RTN4: variants seen among roughly 807,000 people sequenced by gnomAD.
RTN4 encodes reticulon-4.
In RTN4, 32 loss-of-function variants were observed where a neutral mutation model predicts 90.4. That is an observed-to-expected ratio of 0.35 (90% CI 0.27 to 0.48). The LOEUF is 0.48. Among genes scored for constraint, RTN4 ranks in the 20% least tolerant of loss-of-function variants. The pLI, the probability that RTN4 is intolerant of heterozygous loss-of-function variation, is 0.99. For missense variants in RTN4, 1,706 were observed against 1,430.2 expected (o/e 1.19, Z -3.11); for synonymous variants, 629 against 552.5 (o/e 1.14, Z -1.94).
intron 2 of RTN4, among the ~76,000 whole-genome samples, chr2:55,067,703 C>T (rs1668419917): frequency 1.3e-5 from 2 of 152,168 alleles, no homozygotes; most frequent in East Asian, 3.9e-4. Flanking sequence ...GCGTGAGCCC[C>T]ACACCTGGCC....
chr2:55,017,985 G>A (rs921041227), intron 3 of RTN4, among the ~76,000 whole-genome samples: 1 of 152,126 alleles, frequency 6.6e-6, no homozygotes, highest in African/African-American at 2.4e-5. Flanking sequence ...AGTTGGAATC[G>A]CAGTTCATTC....
rs532907222 is a variant in RTN4 at position 55,109,809 on chromosome 2, T to C, written c.-214+2711A>G. On this transcript the variant is annotated intron_variant, in intron 1 of 3. Transcript: ENST00000427710. ...GCAGAGAGTAAATATGCCCTAAATATTTGAAAAAGGGAATCACTCAGCCAA... is the reference window on the plus strand; with the variant it reads ...GCAGAGAGTAAATATGCCCTAAATACTTGAAAAAGGGAATCACTCAGCCAA... Among the ~76,000 whole-genome samples, 5 of 152,126 alleles carry C rather than the reference T, an allele frequency of 3.3e-5. No homozygotes were observed. The South Asian group carries it at 8.3e-4, about 25-fold the overall frequency.
At chr2:54,974,549 G>C (rs914906050) in intron 6 of RTN4, 146 bp downstream of exon 6, 9 of 659,832 alleles carry the variant, frequency 1.4e-5, no homozygotes, top group Non-Finnish European at 2.4e-5. Context: ...CCAAAGTGCT[G>C]GGATTACAGG....
At chr2:55,088,375 C>A (rs572221773) in intron 1 of RTN4, among the ~76,000 whole-genome samples, 2 of 152,330 alleles carry the variant, frequency 1.3e-5, no homozygotes, top group South Asian at 4.1e-4. Context: ...CACACATATT[C>A]TTTTCTATTA....
intron 1 of RTN4, among the ~76,000 whole-genome samples, chr2:55,086,929 G>A (rs1180650739): frequency 6.6e-6 from 1 of 151,572 alleles, no homozygotes; most frequent in African/African-American, 2.4e-5. Context: ...CAAAGTGCCG[G>A]GATTACAGGC....
At chr2:55,011,977 G>C (rs137971375) in intron 3 of RTN4, among the ~76,000 whole-genome samples, 1 of 152,098 alleles carries the variant, frequency 6.6e-6, no homozygotes. Context: ...GCCTCTCCAC[G>C]CAACATTCAG....
chr2:55,107,403 C>CAA (rs35664699), intron 1 of RTN4, among the ~76,000 whole-genome samples: 5,472 of 101,046 alleles, frequency 0.054, 182 homozygotes, highest in South Asian at 0.13. Context: ...GACTGAACCT[C>CAA]AAAAAAAAAA....
In RTN4 at chr2:54,972,284, A is replaced by ATCT. The variant is rs1677091536; in HGVS notation, c.*869_*871dup. ...TACAGCTTAAACCACAATGGTATAA[A>ATCT]TCTTCATTTTGTAATTAATAATTTC... On this transcript the variant is annotated 3_prime_UTR_variant, in exon 9 of 9. Coordinates refer to ENST00000337526, the MANE Select transcript of RTN4 (RefSeq NM_020532.5). 1 of 152,696 alleles carries ATCT rather than the reference A, an allele frequency of 6.5e-6. No homozygotes were observed. The highest frequency in any genetic ancestry group is 6.5e-5 in the Admixed American group (1 of 15,284). 9.5% of individuals were successfully genotyped at this position (152,696 alleles called of 1,614,324 possible). A position where few individuals can be genotyped will look rare whatever the true frequency, so the allele number is the denominator to read the frequency against.
At chr2:55,017,628 A>T (rs1681139177) in intron 3 of RTN4, among the ~76,000 whole-genome samples, 1 of 152,198 alleles carries the variant, frequency 6.6e-6, no homozygotes, top group Non-Finnish European at 1.5e-5. Flanking sequence ...TTAAGTTATC[A>T]TTAAGTCAAG....
chr2:55,017,583 C>G (rs1261757232), intron 3 of RTN4, among the ~76,000 whole-genome samples: 2 of 152,172 alleles, frequency 1.3e-5, no homozygotes, highest in African/African-American at 2.4e-5. Context: ...AAAATATTCT[C>G]TGTGCATTAG....
chr2:55,120,873 C>A, the RTN4 span, among the ~76,000 whole-genome samples: 1 of 152,118 alleles, frequency 6.6e-6, no homozygotes, highest in Non-Finnish European at 1.5e-5. Context: ...ACACACATAG[C>A]TGCAGGCAGC....
chr2:55,004,423 T>G (rs1432795320), intron 3 of RTN4, among the ~76,000 whole-genome samples: 1 of 152,126 alleles, frequency 6.6e-6, no homozygotes, highest in African/African-American at 2.4e-5. Context: ...TATTTAAATC[T>G]CTCGTTTTCT....
At position 55,049,943 on chromosome 2, in the gene RTN4, G is replaced by T; in HGVS notation, c.358C>A (p.Pro120Thr). The change falls in exon 1 of 9, where the codon CCA becomes ACA. Residue 120 changes from proline to threonine, a missense_variant. Pro to Thr is a conservative substitution (Grantham distance 38, BLOSUM62 -1). Coordinates refer to ENST00000337526, the MANE Select transcript of RTN4 (RefSeq NM_020532.5). Reference protein sequence around the residue: ...PSPVSSTVPAPSPLSAAAVSP... With the variant: ...PSPVSSTVPATSPLSAAAVSP... ...ACTGCGGCAGCAGACAGCGGGGATG[G>T]CGCGGGCACGGTCGACGACACCGGG... 1.5e-6 allele frequency: 2 copies of T among 1,350,488 alleles called. No individual in the cohort carries two copies. Among genetic ancestry groups the T allele is most frequent in the Non-Finnish European group, 1.9e-6 (2 of 1,057,710 alleles). The allele number at this position is 1,350,488 out of a possible 1,614,324, so 83.7% of individuals were successfully genotyped here.
chr2:55,111,448 T>G (rs1668036761), intron 1 of RTN4, among the ~76,000 whole-genome samples: 1 of 152,252 alleles, frequency 6.6e-6, no homozygotes, highest in African/African-American at 2.4e-5. Flanking sequence ...CTGCCTTTTG[T>G]GACACCTTAC....
upstream of RTN4, among the ~76,000 whole-genome samples, chr2:55,055,505 C>T (rs536396821): frequency 5.9e-5 from 9 of 152,274 alleles, no homozygotes; most frequent in South Asian, 2.1e-4. Context: ...CGGTGGCTCA[C>T]GCCTGTAATC....
chr2:54,972,943 A>C lies in RTN4; in HGVS notation c.*213T>G, dbSNP rs1010857045. On this transcript the variant is annotated 3_prime_UTR_variant, in exon 9 of 9. Transcript: ENST00000337526. ...AGATATGATTACGGTTTAAATCCAT[A>C]CATAGCAGCTTACAATACTTAAGAT... is the stretch of plus-strand genomic sequence containing the variant. The C allele has an allele frequency of 3.8e-5, 17 of 442,110 alleles. No individual in the cohort carries two copies. In the Admixed American group the frequency reaches 6.5e-4, roughly 17 times the overall value. 27.4% of individuals were successfully genotyped at this position (442,110 alleles called of 1,614,324 possible).
At chr2:54,986,038 G>A (rs913604163) in intron 4 of RTN4, among the ~76,000 whole-genome samples, 1 of 152,150 alleles carries the variant, frequency 6.6e-6, no homozygotes, top group South Asian at 2.1e-4. Context: ...AAAGAGCTGG[G>A]TCTTGAACCA....
chr2:55,004,817 GA>G (rs1680091799), intron 3 of RTN4, among the ~76,000 whole-genome samples: 1 of 151,998 alleles, frequency 6.6e-6, no homozygotes, highest in Non-Finnish European at 1.5e-5. Flanking sequence ...AATTGTAATA[GA>G]AAGTACAAAA....
intron 2 of RTN4, among the ~76,000 whole-genome samples, chr2:55,064,216 AAG>A (rs1481673544): frequency 1.3e-5 from 2 of 150,964 alleles, no homozygotes; most frequent in Admixed American, 1.3e-4. Flanking sequence ...AAAAAAAAAA[AAG>A]AAAGAAAAGA....
Sources: allele counts gnomAD v4.1 joint callset (sites outside exome capture counted in the v4.1 genomes callset), GRCh38; gene constraint gnomAD v4.1.1; transcripts MANE v1.5; gene names NCBI Gene and HGNC (gene_info 2026-07-23, HGNC 2026-07-21).